The following RAD51B variants were observed in gnomAD, a reference collection of about 807,000 sequenced individuals.
RAD51B encodes the protein DNA repair protein RAD51 homolog 2.
RAD51B carries 38 observed loss-of-function variants against 42.2 expected under a neutral mutation model. The observed-to-expected ratio is 0.90, with a 90% CI of 0.70 to 1.18. The LOEUF (loss-of-function observed/expected upper bound fraction) is 1.18, where lower values mean the gene tolerates loss of function less well. RAD51B is among the 50% of genes most tolerant of loss of function. The pLI is 0.00. For missense variants in RAD51B, 373 were observed against 400.7 expected (o/e 0.93, Z 0.59); for synonymous variants, 154 against 145.2 (o/e 1.06, Z -0.43).
At chr14:67,823,421 A>G (rs2040701890) in intron 1 of RAD51B, 121 bp from the exon 2 acceptor site, 1 of 676,874 alleles carries the variant, frequency 1.5e-6, no homozygotes, top group Non-Finnish European at 2.5e-6. Context: ...AATATGTTTC[A>G]TTTTGCATAT....
intron 7 of RAD51B, among the ~76,000 whole-genome samples, chr14:68,164,585 G>C (rs2078712088): frequency 6.6e-6 from 1 of 152,186 alleles, no homozygotes; most frequent in Non-Finnish European, 1.5e-5. Context: ...GTGGAGTGTG[G>C]TGGGAACCAG....
chr14:68,040,899 G>T (rs897003937), intron 7 of RAD51B, among the ~76,000 whole-genome samples: 8 of 152,204 alleles, frequency 5.3e-5, no homozygotes, highest in Admixed American at 2.0e-4. Context: ...GAAGCACTGA[G>T]CTTAACATTT....
chr14:67,884,892 T>C (rs546090735), intron 5 of RAD51B, among the ~76,000 whole-genome samples: 2 of 152,244 alleles, frequency 1.3e-5, no homozygotes, highest in Non-Finnish European at 2.9e-5. Flanking sequence ...TCATAGCAAA[T>C]GTAAGGACTT....
intron 7 of RAD51B, among the ~76,000 whole-genome samples, chr14:68,019,795 T>C (rs866087368): frequency 6.6e-6 from 1 of 152,224 alleles, no homozygotes; most frequent in Non-Finnish European, 1.5e-5. Flanking sequence ...GTTCTTACCG[T>C]ATTGCCACAT....
intron 10 of RAD51B, among the ~76,000 whole-genome samples, chr14:68,568,687 T>G (rs1889543115): frequency 1.3e-5 from 2 of 152,192 alleles, no homozygotes; most frequent in Admixed American, 1.3e-4. Context: ...TCTAGAACCC[T>G]CACTGGGCAA....
intron 7 of RAD51B, among the ~76,000 whole-genome samples, chr14:67,914,533 A>G (rs1487119371): frequency 1.3e-5 from 2 of 151,984 alleles, no homozygotes; most frequent in African/African-American, 4.8e-5. Context: ...ATCTTTTTGT[A>G]CTTTTTTGCC....
At chr14:68,490,520 G>A (rs1883980970) in intron 10 of RAD51B, among the ~76,000 whole-genome samples, 1 of 152,182 alleles carries the variant, frequency 6.6e-6, no homozygotes, top group African/African-American at 2.4e-5. Context: ...GATTCTCTAA[G>A]ACATATTGCC....
chr14:68,295,488 G>T (rs11158728), intron 8 of RAD51B, among the ~76,000 whole-genome samples: 79,349 of 152,000 alleles, frequency 0.52, 22,972 homozygotes, highest in South Asian at 0.65. Context: ...CCCCATAGAC[G>T]TCCCTGCAGC....
At chr14:68,462,812 T>G (rs1179536023) in intron 9 of RAD51B, among the ~76,000 whole-genome samples, 1 of 152,210 alleles carries the variant, frequency 6.6e-6, no homozygotes, top group Non-Finnish European at 1.5e-5. Flanking sequence ...AGAAACAATT[T>G]GGCTATTTGT....
At chr14:67,847,326 CTTTTTTTTTTT>C (rs60032578) in intron 4 of RAD51B, among the ~76,000 whole-genome samples, 8 of 105,636 alleles carry the variant, frequency 7.6e-5, no homozygotes, top group East Asian at 3.3e-4. Context: ...TTGGTTTGTT[CTTTTTTTTTTT>C]TTTTTTTTTT....
chr14:68,663,315 AG>A (rs1892970885), intron 11 of RAD51B, among the ~76,000 whole-genome samples: 1 of 7,934 alleles, frequency 1.3e-4, no homozygotes, highest in Non-Finnish European at 2.9e-4. Flanking sequence ...AAACAAAGAG[AG>A]AGAGAGAGAG....
At chr14:67,981,083 A>G (rs559240181) in intron 7 of RAD51B, among the ~76,000 whole-genome samples, 6 of 152,142 alleles carry the variant, frequency 3.9e-5, no homozygotes, top group Non-Finnish European at 8.8e-5. Flanking sequence ...AGTATGGTGG[A>G]TTACATCTGT....
chr14:68,662,317 T>C (rs1892949880), intron 11 of RAD51B, among the ~76,000 whole-genome samples: 1 of 152,266 alleles, frequency 6.6e-6, no homozygotes, highest in African/African-American at 2.4e-5. Flanking sequence ...AGGTTCCAGA[T>C]GTACATTAAT....
intron 7 of RAD51B, among the ~76,000 whole-genome samples, chr14:68,156,274 G>C (rs2078502785): frequency 6.6e-6 from 1 of 152,178 alleles, no homozygotes; most frequent in Admixed American, 6.5e-5. Flanking sequence ...TTGCAGAATG[G>C]AAGTTCATCT....
chr14:68,426,137 C>T (rs537985068), intron 9 of RAD51B, among the ~76,000 whole-genome samples: 11 of 151,604 alleles, frequency 7.3e-5, no homozygotes, highest in South Asian at 2.1e-4. Flanking sequence ...GGCACGATCT[C>T]GGCTCACCAC....
chr14:68,479,245 G>A (rs1882969300), downstream of RAD51B, among the ~76,000 whole-genome samples: 1 of 152,158 alleles, frequency 6.6e-6, no homozygotes, highest in African/African-American at 2.4e-5. Context: ...CATTTCCTGT[G>A]GATTCTTATG....
At chr14:68,436,769 T>G (rs993228362) in intron 9 of RAD51B, among the ~76,000 whole-genome samples, 11 of 152,180 alleles carry the variant, frequency 7.2e-5, no homozygotes, top group Non-Finnish European at 1.6e-4. Context: ...TGTTTTTTGT[T>G]GTTGTGACTA....
At chr14:68,271,142 A>G (rs1377518476) in intron 7 of RAD51B, among the ~76,000 whole-genome samples, 2 of 152,208 alleles carry the variant, frequency 1.3e-5, no homozygotes, top group Non-Finnish European at 2.9e-5. Context: ...ACTTTCTAAC[A>G]TACTGTATCA....
At chr14:68,401,485 C>T (rs2084103347) in intron 8 of RAD51B, among the ~76,000 whole-genome samples, 1 of 152,202 alleles carries the variant, frequency 6.6e-6, no homozygotes, top group Non-Finnish European at 1.5e-5. Flanking sequence ...CTAACTCTTG[C>T]ATTCCAGAGG....
Sources: gnomAD v4.1 joint callset for allele counts (sites outside exome capture counted in the v4.1 genomes callset) on GRCh38, gnomAD v4.1.1 for gene constraint, MANE v1.5 for transcripts, NCBI Gene and HGNC (gene_info 2026-07-23, HGNC 2026-07-21) for gene names.